Variants in PDE4B observed in about 807,000 individuals in gnomAD.
The protein encoded by PDE4B is 3',5'-cyclic-AMP phosphodiesterase 4B.
Under a neutral mutation model 82.2 loss-of-function variants are expected in PDE4B, and 20 were observed. The observed-to-expected ratio is 0.24, with a 90% CI of 0.17 to 0.35. The LOEUF (loss-of-function observed/expected upper bound fraction) is 0.35. Ranked by LOEUF, PDE4B falls within the 10% of genes least tolerant of loss-of-function variation. PDE4B has a pLI of 1.00. For synonymous variants in PDE4B, 320 were observed against 318.9 expected (o/e 1.00, Z -0.04); for missense variants, 655 against 907.2 (o/e 0.72, Z 3.57).
intron 3 of PDE4B, among the ~76,000 whole-genome samples, chr1:66,151,983 A>G (rs989923452): frequency 6.6e-6 from 1 of 152,226 alleles, no homozygotes; most frequent in African/African-American, 2.4e-5. Flanking sequence ...ATGATAAATT[A>G]ATATTATAAT....
intron 9 of PDE4B, among the ~76,000 whole-genome samples, chr1:66,356,062 G>C (rs1662215751): frequency 6.6e-6 from 1 of 152,172 alleles, no homozygotes. Context: ...GGATATGGTT[G>C]AGGAATAATT....
intron 3 of PDE4B, among the ~76,000 whole-genome samples, chr1:66,164,560 A>AAAG (rs1476474947): frequency 7.3e-6 from 1 of 137,626 alleles, no homozygotes; most frequent in Non-Finnish European, 1.5e-5. Context: ...AAAAAAAAAA[A>AAAG]AAGAAAGAAA....
intron 7 of PDE4B, among the ~76,000 whole-genome samples, chr1:66,317,308 T>C (rs1659093625): frequency 6.6e-6 from 1 of 152,158 alleles, no homozygotes; most frequent in Non-Finnish European, 1.5e-5. Context: ...CCTACTAAAG[T>C]GTTCCTTCCT....
At chr1:65,873,400 C>G (rs1186495683) in intron 1 of PDE4B, among the ~76,000 whole-genome samples, 1 of 152,134 alleles carries the variant, frequency 6.6e-6, no homozygotes. Flanking sequence ...TGGTAGGGAT[C>G]ACTGAATATT....
chr1:65,936,585 CA>C (rs1028549152), intron 3 of PDE4B, among the ~76,000 whole-genome samples: 33 of 152,266 alleles, frequency 2.2e-4, no homozygotes, highest in African/African-American at 7.7e-4. Context: ...GCGTCAGAAT[CA>C]CCTGAAGGAC....
At chr1:65,826,800 C>T (rs1162800552) in intron 1 of PDE4B, among the ~76,000 whole-genome samples, 1 of 152,098 alleles carries the variant, frequency 6.6e-6, no homozygotes, top group African/African-American at 2.4e-5. Context: ...AAATTACACC[C>T]CCTATTGTGA....
chr1:65,831,467 C>T (rs72641137), intron 1 of PDE4B, among the ~76,000 whole-genome samples: 7,306 of 152,112 alleles, frequency 0.048, 502 homozygotes, highest in East Asian at 0.34. Context: ...AAGATAAAAA[C>T]TATCAAAAAG....
chr1:66,225,494 G>C (rs942178646), intron 3 of PDE4B, among the ~76,000 whole-genome samples: 8 of 152,172 alleles, frequency 5.3e-5, no homozygotes, highest in African/African-American at 1.9e-4. Context: ...CCTTCATTAA[G>C]TAGATTTGAA....
At chr1:65,881,852 C>A (rs1255845154) in intron 1 of PDE4B, among the ~76,000 whole-genome samples, 39 of 152,112 alleles carry the variant, frequency 2.6e-4, no homozygotes, top group Non-Finnish European at 2.9e-5. Flanking sequence ...GGCACAGATA[C>A]ATTTATACAG....
Position 65,897,011 on chromosome 1 carries a change from A to G in PDE4B, c.-70-16234A>G, listed in dbSNP as rs1044991564. On this transcript the variant is annotated intron_variant, in intron 1 of 16. Transcript: ENST00000341517. Reference sequence around the variant, plus strand: ...CATGAGACTTAACTGAAATGGTGGGATTGTGATTCAGCAAAGTATTTAATA... The same window carrying G: ...CATGAGACTTAACTGAAATGGTGGGGTTGTGATTCAGCAAAGTATTTAATA... 3.9e-4 allele frequency among the ~76,000 whole-genome samples: 59 copies of G among 152,274 alleles called. 1 individual carries two copies. Among genetic ancestry groups the G allele is most frequent in the Non-Finnish European group, 2.8e-4 (19 of 68,014 alleles).
At chr1:66,289,221 T>C (rs1163622961) in intron 7 of PDE4B, among the ~76,000 whole-genome samples, 1 of 152,142 alleles carries the variant, frequency 6.6e-6, no homozygotes, top group Non-Finnish European at 1.5e-5. Context: ...TGAGCCATGA[T>C]GGTGTCTCTG....
intron 3 of PDE4B, among the ~76,000 whole-genome samples, chr1:65,939,190 C>G (rs1648312196): frequency 6.6e-6 from 1 of 152,082 alleles, no homozygotes; most frequent in Non-Finnish European, 1.5e-5. Flanking sequence ...TTCTCTCCAG[C>G]AGTAAGAAAA....
At chr1:65,841,025 G>C (rs1015686093) in intron 1 of PDE4B, among the ~76,000 whole-genome samples, 1 of 152,122 alleles carries the variant, frequency 6.6e-6, no homozygotes, top group Non-Finnish European at 1.5e-5. Context: ...GGCCAGGCAC[G>C]GTTGTTTACA....
intron 3 of PDE4B, among the ~76,000 whole-genome samples, chr1:66,134,033 C>T (rs1379506467): frequency 2.3e-5 from 2 of 87,234 alleles, no homozygotes; most frequent in African/African-American, 5.1e-5. Flanking sequence ...AAACTATATA[C>T]ACAAAACTGG....
chr1:65,868,638 G>A (rs1245755479), intron 1 of PDE4B, among the ~76,000 whole-genome samples: 1 of 152,190 alleles, frequency 6.6e-6, no homozygotes, highest in Non-Finnish European at 1.5e-5. Context: ...CTGGCAAAGG[G>A]ACTGTATAGC....
intron 3 of PDE4B, among the ~76,000 whole-genome samples, chr1:66,057,920 C>A (rs571730286): frequency 6.6e-6 from 1 of 152,202 alleles, no homozygotes; most frequent in African/African-American, 2.4e-5. Flanking sequence ...CCCTTCCCAA[C>A]GGTCCCCCAA....
At chr1:66,161,475 T>C (rs757348417) in intron 3 of PDE4B, among the ~76,000 whole-genome samples, 7 of 152,218 alleles carry the variant, frequency 4.6e-5, no homozygotes, top group Non-Finnish European at 8.8e-5. Flanking sequence ...TGGTTCACTT[T>C]TTAAGAGCGT....
intron 3 of PDE4B, among the ~76,000 whole-genome samples, chr1:66,101,440 T>A (rs1340152608): frequency 2.6e-5 from 4 of 152,202 alleles, no homozygotes; most frequent in Non-Finnish European, 4.4e-5. Context: ...TAGTTTACAG[T>A]CCCACAAACT....
intron 3 of PDE4B, among the ~76,000 whole-genome samples, chr1:66,184,781 A>G (rs375518635): frequency 6.6e-6 from 1 of 151,780 alleles, no homozygotes; most frequent in Admixed American, 6.6e-5. Flanking sequence ...ATAAGAAAAT[A>G]GTAATACCTC....
Sources: allele counts gnomAD v4.1 joint callset (sites outside exome capture counted in the v4.1 genomes callset), GRCh38; gene constraint gnomAD v4.1.1; transcripts MANE v1.5; gene names NCBI Gene and HGNC (gene_info 2026-07-23, HGNC 2026-07-21).